The following ZNF804A variants were observed in gnomAD, a reference collection of about 807,000 sequenced individuals.
ZNF804A encodes the protein zinc finger protein 804A.
A neutral mutation model predicts 16.5 loss-of-function variants in ZNF804A; 2 were observed. That is an observed-to-expected ratio of 0.12 (90% CI 0.05 to 0.38). The LOEUF is 0.38. ZNF804A is among the 10% of genes least tolerant of loss of function. The pLI is 0.99. For missense variants in ZNF804A, 1,473 were observed against 1,390.7 expected (o/e 1.06, Z -0.94); for synonymous variants, 534 against 489.6 (o/e 1.09, Z -1.20).
chr2:184,925,480 T>A (rs567124535), intron 2 of ZNF804A, among the ~76,000 whole-genome samples: 98 of 152,020 alleles, frequency 6.4e-4, no homozygotes, highest in African/African-American at 1.4e-3. Flanking sequence ...CGGGTTTTTT[T>A]AAAAAAATTA....
At chr2:184,765,596 CT>C (rs1256960741) in intron 1 of ZNF804A, among the ~76,000 whole-genome samples, 3 of 144,066 alleles carry the variant, frequency 2.1e-5, no homozygotes, top group African/African-American at 8.2e-5. Context: ...TCACTACCCC[CT>C]CACATGCACC....
chr2:184,894,024 A>G (rs1334045340), intron 2 of ZNF804A, among the ~76,000 whole-genome samples: 1 of 152,266 alleles, frequency 6.6e-6, no homozygotes, highest in East Asian at 1.9e-4. Context: ...TCTAATCATA[A>G]AACCTTCCAA....
intron 2 of ZNF804A, among the ~76,000 whole-genome samples, chr2:184,917,154 A>G (rs1282472101): frequency 2.6e-5 from 4 of 152,162 alleles, no homozygotes; most frequent in Admixed American, 1.3e-4. Flanking sequence ...GCAATTAACC[A>G]TCACAAGTTC....
intron 1 of ZNF804A, among the ~76,000 whole-genome samples, chr2:184,771,740 G>A (rs1225778275): frequency 6.6e-6 from 1 of 152,020 alleles, no homozygotes; most frequent in Non-Finnish European, 1.5e-5. Context: ...TAGACTACCT[G>A]CAGCTCCTGG....
At chr2:184,879,550 A>G (rs1270472361) in intron 2 of ZNF804A, among the ~76,000 whole-genome samples, 1 of 152,062 alleles carries the variant, frequency 6.6e-6, no homozygotes, top group African/African-American at 2.4e-5. Flanking sequence ...GCAAACAAGT[A>G]TGCAATAGAG....
chr2:184,747,646 G>A (rs1165848540), intron 1 of ZNF804A, among the ~76,000 whole-genome samples: 1 of 150,764 alleles, frequency 6.6e-6, no homozygotes, highest in Non-Finnish European at 1.5e-5. Flanking sequence ...GTTTGCCACT[G>A]GGGATTCTGT....
chr2:184,768,382 C>T (rs6732176), intron 1 of ZNF804A, among the ~76,000 whole-genome samples: 21,056 of 151,786 alleles, frequency 0.14, 1,578 homozygotes, highest in Middle Eastern at 0.23. Flanking sequence ...ATATAAAACT[C>T]CTAGTGGACT....
intron 1 of ZNF804A, among the ~76,000 whole-genome samples, chr2:184,752,706 G>A (rs759628144): frequency 7.3e-5 from 11 of 151,610 alleles, no homozygotes; most frequent in Middle Eastern, 3.4e-3. Context: ...TTCCTAATAC[G>A]TAAAGCTTAA....
At chr2:184,908,708 T>C (rs1685315726) in intron 2 of ZNF804A, among the ~76,000 whole-genome samples, 1 of 152,080 alleles carries the variant, frequency 6.6e-6, no homozygotes, top group Admixed American at 6.6e-5. Context: ...GATGAAACAG[T>C]ATATAAAATG....
chr2:184,918,461 T>C (rs1252423947), intron 2 of ZNF804A, among the ~76,000 whole-genome samples: 1 of 152,122 alleles, frequency 6.6e-6, no homozygotes, highest in Admixed American at 6.6e-5. Flanking sequence ...TCTTGATTCC[T>C]GGGCTGATGA....
chr2:184,693,114 A>C (rs1017344319), intron 1 of ZNF804A, among the ~76,000 whole-genome samples: 1 of 152,172 alleles, frequency 6.6e-6, no homozygotes, highest in African/African-American at 2.4e-5. Flanking sequence ...GTGGGGTTAG[A>C]ACATATATTA....
At chr2:184,877,035 G>C (rs745495434) in intron 2 of ZNF804A, among the ~76,000 whole-genome samples, 1 of 151,778 alleles carries the variant, frequency 6.6e-6, no homozygotes, top group Non-Finnish European at 1.5e-5. Flanking sequence ...CTATAAGAAA[G>C]CCAATTAGAG....
At chr2:184,781,989 G>C (rs1374703995) in intron 1 of ZNF804A, among the ~76,000 whole-genome samples, 4 of 151,622 alleles carry the variant, frequency 2.6e-5, no homozygotes, top group Non-Finnish European at 4.4e-5. Context: ...ATTTCTTCTT[G>C]TATCTTCACA....
At chr2:184,747,735 T>TTACATGAG (rs1299108066) in intron 1 of ZNF804A, among the ~76,000 whole-genome samples, 2 of 151,196 alleles carry the variant, frequency 1.3e-5, no homozygotes, top group African/African-American at 4.8e-5. Context: ...TGTAGGATGG[T>TTACATGAG]TACATGAGTA....
At position 184,676,811 on chromosome 2, in the gene ZNF804A, T is replaced by C. The variant is rs17430752; in HGVS notation, c.111+77741T>C. On this transcript the variant is annotated intron_variant, in intron 1 of 3. Coordinates refer to ENST00000302277, the MANE Select transcript of ZNF804A (RefSeq NM_194250.2). ...CACACTGTAGTGTTCTATGACCTTTTAGACTTCTGAAGTGGACTATGTTCA... is the reference window on the plus strand; with the variant it reads ...CACACTGTAGTGTTCTATGACCTTTCAGACTTCTGAAGTGGACTATGTTCA... Among the ~76,000 whole-genome samples, 847 of 151,928 alleles carry C rather than the reference T, an allele frequency of 5.6e-3. 4 individuals are homozygous for C. The highest frequency in any genetic ancestry group is 9.3e-3 in the Non-Finnish European group (630 of 67,708).
intron 2 of ZNF804A, among the ~76,000 whole-genome samples, chr2:184,901,181 C>G (rs1418977267): frequency 1.3e-5 from 2 of 152,236 alleles, no homozygotes; most frequent in East Asian, 3.9e-4. Flanking sequence ...TTAGACCACT[C>G]TTGGCATAAC....
At chr2:184,864,156 T>C (rs1695840171) in intron 1 of ZNF804A, among the ~76,000 whole-genome samples, 1 of 152,192 alleles carries the variant, frequency 6.6e-6, no homozygotes, top group South Asian at 2.1e-4. Flanking sequence ...TGCTGTCATC[T>C]GCATCTGATG....
chr2:184,843,070 C>T (rs1695460922), intron 1 of ZNF804A, among the ~76,000 whole-genome samples: 1 of 152,072 alleles, frequency 6.6e-6, no homozygotes, highest in Non-Finnish European at 1.5e-5. Flanking sequence ...CATTCATACT[C>T]ACAAGCAATT....
At chr2:184,900,706 T>C (rs1428098199) in intron 2 of ZNF804A, among the ~76,000 whole-genome samples, 2 of 152,026 alleles carry the variant, frequency 1.3e-5, no homozygotes, top group Admixed American at 6.6e-5. Flanking sequence ...TGGGAATGCT[T>C]TGGGGACTGT....
Sources: allele counts gnomAD v4.1 joint callset (sites outside exome capture counted in the v4.1 genomes callset), GRCh38; gene constraint gnomAD v4.1.1; transcripts MANE v1.5; gene names NCBI Gene and HGNC (gene_info 2026-07-23, HGNC 2026-07-21).